Variants in RAP2B observed in about 807,000 individuals in gnomAD.
The protein encoded by RAP2B is RAP2B, member of RAS oncogene family.
In RAP2B, 6 loss-of-function variants were observed where a neutral mutation model predicts 14.4. The ratio of observed to expected loss-of-function variants is 0.42; its 90% confidence interval spans 0.23 to 0.82. The LOEUF (loss-of-function observed/expected upper bound fraction) is 0.82, where lower values mean the gene tolerates loss of function less well. RAP2B is among the 40% of genes least tolerant of loss of function. The pLI, the probability that RAP2B is intolerant of heterozygous loss-of-function variation, is 0.30. For synonymous variants in RAP2B, 118 were observed against 113.2 expected, an observed-to-expected ratio of 1.04 and a Z score of -0.27; for missense variants, 137 against 248.2, an observed-to-expected ratio of 0.55 and a Z score of 3.01.
At position 153,168,276 on chromosome 3, in the gene RAP2B, C is replaced by T. The variant is rs937424071; in HGVS notation, c.*5031C>T. 1 of 166,946 alleles carries T rather than the reference C, an allele frequency of 6.0e-6. No homozygotes were observed. Among genetic ancestry groups the T allele is most frequent in the Non-Finnish European group, 1.5e-5 (1 of 68,102 alleles). The allele number at this position is 166,946 out of a possible 1,614,324, so 10.3% of individuals were successfully genotyped here. A position where few individuals can be genotyped will look rare whatever the true frequency, so the allele number is the denominator to read the frequency against. ...AGTGGATTGCTTACTTCAAATTTCTCTTTTACAATTTAGAAAGTTTAGTAC... is the reference window on the plus strand; with the variant it reads ...AGTGGATTGCTTACTTCAAATTTCTTTTTTACAATTTAGAAAGTTTAGTAC... On this transcript the variant is annotated 3_prime_UTR_variant, in exon 1 of 1. Coordinates refer to ENST00000323534, the MANE Select transcript of RAP2B (RefSeq NM_002886.4).
Position 153,162,517 on chromosome 3 carries a change from C to G in RAP2B, c.-177C>G. The G allele has an allele frequency of 1.5e-6, 1 of 686,862 alleles. No homozygotes were observed. The allele number at this position is 686,862 out of a possible 1,614,324, so 42.5% of individuals were successfully genotyped here. The stretch of plus-strand genomic sequence containing the variant: ...ATACGCTGCCGCCGCCGCCGGCCGG[C>G]CCGGCGCCCGGCCTCCGTTCGGTGG... On this transcript the variant is annotated 5_prime_UTR_variant, in exon 1 of 1. Coordinates refer to ENST00000323534, the MANE Select transcript of RAP2B (RefSeq NM_002886.4). The surrounding 1 kb of genome is among the most constrained non-coding windows in gnomAD (Gnocchi z 4.9).
chr3:153,163,336 A>C lies in RAP2B; in HGVS notation c.*91A>C, dbSNP rs1713464771. ...GATTTATTTCTTGCTTTGAGATTGGAGACCACTTTGCATTGGCCAGGGTGT... is the reference window on the plus strand; with the variant it reads ...GATTTATTTCTTGCTTTGAGATTGGCGACCACTTTGCATTGGCCAGGGTGT... On this transcript the variant is annotated 3_prime_UTR_variant, in exon 1 of 1. Transcript: ENST00000323534. 2 of 1,449,666 alleles carry C rather than the reference A, an allele frequency of 1.4e-6. No homozygotes were observed. The highest frequency in any genetic ancestry group is 3.0e-5 in the South Asian group (2 of 67,618). The allele number at this position is 1,449,666 out of a possible 1,614,324, so 89.8% of individuals were successfully genotyped here. A position where few individuals can be genotyped will look rare whatever the true frequency, so the allele number is the denominator to read the frequency against.
rs752933416 is a variant in RAP2B at position 153,163,073 on chromosome 3, C to T, written c.380C>T (p.Ser127Leu). Residue 127 changes from serine (S) to leucine (L), a missense_variant, in exon 1 of 1, where the codon TCG (serine) becomes TTG (leucine). Physicochemically the swap from Ser to Leu is moderately radical, Grantham distance 145. This residue lies in a region of RAP2B where 106 missense variants were observed against 143.5 expected (regional missense o/e 0.74). Coordinates refer to ENST00000323534, the MANE Select transcript of RAP2B (RefSeq NM_002886.4). ...KVDLEGEREV[S>L]YGEGKALAEE... ...GACCTGGAGGGTGAGCGCGAGGTCTCGTACGGGGAGGGCAAGGCCCTGGCT... is the reference window on the plus strand; with the variant it reads ...GACCTGGAGGGTGAGCGCGAGGTCTTGTACGGGGAGGGCAAGGCCCTGGCT... The T allele has an allele frequency of 3.2e-5, 52 of 1,613,898 alleles. No homozygotes were observed. Among genetic ancestry groups the T allele is most frequent in the Non-Finnish European group, 3.7e-5 (44 of 1,180,046 alleles).
chr3:153,162,870 G>T lies in RAP2B; in HGVS notation c.177G>T (p.Ala59=), dbSNP rs770367435. ...CGGTGCTGGAGATCCTGGATACGGC[G>T]GGCACCGAGCAGTTCGCGTCCATGC... is the stretch of plus-strand genomic sequence containing the variant. ...SPSVLEILDT[A]GTEQFASMRD... Residue 59 remains alanine, a synonymous_variant, in exon 1 of 1, where the codon GCG becomes GCT. Transcript: ENST00000323534. The surrounding 1 kb of genome is among the most constrained non-coding windows in gnomAD (Gnocchi z 4.9). 6.2e-7 allele frequency: 1 copy of T among 1,614,008 alleles called. No individual in the cohort carries two copies. Among genetic ancestry groups the T allele is most frequent in the South Asian group, 1.1e-5 (1 of 91,088 alleles).
At position 153,162,663 on chromosome 3, in the gene RAP2B, C is replaced by T. The variant is rs1337793398; in HGVS notation, c.-31C>T. 4 of 1,564,146 alleles carry T rather than the reference C, an allele frequency of 2.6e-6. No homozygotes were observed. Among genetic ancestry groups the T allele is most frequent in the African/African-American group, 2.7e-5 (2 of 73,794 alleles). On this transcript the variant is annotated 5_prime_UTR_variant, in exon 1 of 1. Transcript: ENST00000323534. The surrounding 1 kb of genome is among the most constrained non-coding windows in gnomAD (Gnocchi z 4.9). The stretch of plus-strand genomic sequence containing the variant: ...CCGGCGCGCAGCCCCGACGGGGCCG[C>T]GGCAGGCGCGGCGAGAGCGCTGACG...
In RAP2B at chr3:153,169,839, T is replaced by G. The variant is rs1459375557; in HGVS notation, c.*6594T>G. 1 of 151,662 alleles carries G rather than the reference T, an allele frequency of 6.6e-6. No homozygotes were observed. Among genetic ancestry groups the G allele is most frequent in the Non-Finnish European group, 1.5e-5 (1 of 67,916 alleles). The allele number at this position is 151,662 out of a possible 1,614,324, so 9.4% of individuals were successfully genotyped here. ...ATTCCTGGGCTCAGGAGATCTTCCC[T>G]CCTCAGCCCCTCAAAGTGCTGGGAT... is the stretch of plus-strand genomic sequence containing the variant. On this transcript the variant is annotated 3_prime_UTR_variant, in exon 1 of 1. Transcript: ENST00000323534.
Position 153,162,498 on chromosome 3 carries a change from TGCCGCCGCC to T in RAP2B, c.-191_-183del, listed in dbSNP as rs1298610421. On this transcript the variant is annotated 5_prime_UTR_variant, in exon 1 of 1. Transcript: ENST00000323534. The surrounding 1 kb of genome is among the most constrained non-coding windows in gnomAD (Gnocchi z 4.9). ...CCGGACCCGCACCCCAGGGATACGC[TGCCGCCGCC>T]GCCGGCCGGCCCGGCGCCCGGCCTC... 1.8e-6 allele frequency: 1 copy of T among 569,756 alleles called. No homozygotes were observed. The highest frequency in any genetic ancestry group is 2.8e-6 in the Non-Finnish European group (1 of 351,386). 35.3% of individuals were successfully genotyped at this position (569,756 alleles called of 1,614,324 possible). A position where few individuals can be genotyped will look rare whatever the true frequency, so the allele number is the denominator to read the frequency against.
rs1576682070 is a variant in RAP2B at position 153,165,716 on chromosome 3, CACTT to C, written c.*2473_*2476del. 6.0e-6 allele frequency: 1 copy of C among 166,578 alleles called. No homozygotes were observed. Among genetic ancestry groups the C allele is most frequent in the Non-Finnish European group, 1.5e-5 (1 of 68,034 alleles). 10.3% of individuals were successfully genotyped at this position (166,578 alleles called of 1,614,324 possible). A position where few individuals can be genotyped will look rare whatever the true frequency, so the allele number is the denominator to read the frequency against. ...CATTTTTTTTTTCCCACTCTGATCT[CACTT>C]AAGTTTGATATCAAACACAATTGGG... On this transcript the variant is annotated 3_prime_UTR_variant, in exon 1 of 1. Coordinates refer to ENST00000323534, the MANE Select transcript of RAP2B (RefSeq NM_002886.4).
chr3:153,170,482 AT>A lies in RAP2B; in HGVS notation c.*7238del, dbSNP rs1238528385. 6.6e-6 allele frequency: 1 copy of A among 152,238 alleles called. No homozygotes were observed. Among genetic ancestry groups the A allele is most frequent in the African/African-American group, 2.4e-5 (1 of 41,466 alleles). The allele number at this position is 152,238 out of a possible 1,614,324, so 9.4% of individuals were successfully genotyped here. On this transcript the variant is annotated 3_prime_UTR_variant, in exon 1 of 1. Coordinates refer to ENST00000323534, the MANE Select transcript of RAP2B (RefSeq NM_002886.4). ...ATAGTGTATATTAAACAATAATAGT[AT>A]ATGGAAAAGCACATCTACATGTGTC...
rs528572077 is a variant in RAP2B at position 153,169,044 on chromosome 3, A to T, written c.*5799A>T. ...TATTTTAAAAGTGTCCTATACTATG[A>T]ATTTATTTGCCATATATAAGACAAT... On this transcript the variant is annotated 3_prime_UTR_variant, in exon 1 of 1. Transcript: ENST00000323534. 8 of 152,338 alleles carry T rather than the reference A, an allele frequency of 5.3e-5. No homozygotes were observed. The highest frequency in any genetic ancestry group is 5.2e-4 in the Admixed American group (8 of 15,302). 9.4% of individuals were successfully genotyped at this position (152,338 alleles called of 1,614,324 possible).
rs1360288525 is a variant in RAP2B at position 153,163,266 on chromosome 3, C to T, written c.*21C>T. ...TCTGAGGCGGCCACCGCGCGCCGGC[C>T]GCGCTCTGCGCACAAAAGCCAAACG... On this transcript the variant is annotated 3_prime_UTR_variant, in exon 1 of 1. Coordinates refer to ENST00000323534, the MANE Select transcript of RAP2B (RefSeq NM_002886.4). The T allele has an allele frequency of 2.7e-6, 4 of 1,506,458 alleles. No individual in the cohort carries two copies. The highest frequency in any genetic ancestry group is 2.4e-5 in the Admixed American group (1 of 41,332). The allele number at this position is 1,506,458 out of a possible 1,614,324, so 93.3% of individuals were successfully genotyped here. A position where few individuals can be genotyped will look rare whatever the true frequency, so the allele number is the denominator to read the frequency against.
chr3:153,164,611 A>AT lies in RAP2B; in HGVS notation c.*1370dup, dbSNP rs1173146943. 2 of 166,958 alleles carry AT rather than the reference A, an allele frequency of 1.2e-5. No homozygotes were observed. 10.3% of individuals were successfully genotyped at this position (166,958 alleles called of 1,614,324 possible). On this transcript the variant is annotated 3_prime_UTR_variant, in exon 1 of 1. Coordinates refer to ENST00000323534, the MANE Select transcript of RAP2B (RefSeq NM_002886.4). ...TGTTCCTCCAGAAGCAAAGAGCAAAATTTTACTGTTGTGATGTACCAATTC... is the reference window on the plus strand; with the variant it reads ...TGTTCCTCCAGAAGCAAAGAGCAAAATTTTTACTGTTGTGATGTACCAATTC...
rs761606129 is a variant in RAP2B at position 153,162,954 on chromosome 3, G to A, written c.261G>A (p.Gln87=). 2.5e-6 allele frequency: 4 copies of A among 1,614,042 alleles called. No individual in the cohort carries two copies. Among genetic ancestry groups the A allele is most frequent in the Non-Finnish European group, 3.4e-6 (4 of 1,180,042 alleles). Residue 87 remains glutamine, a synonymous_variant, in exon 1 of 1, where the codon CAG becomes CAA. Transcript: ENST00000323534. This position sits in a 1 kb window ranked among gnomAD's most constrained non-coding sequence, Gnocchi z 4.9. ...TCCTGGTCTACAGCCTCGTCAACCAGCAGAGCTTCCAGGACATCAAGCCCA... is the reference window on the plus strand; with the variant it reads ...TCCTGGTCTACAGCCTCGTCAACCAACAGAGCTTCCAGGACATCAAGCCCA... ...GFILVYSLVN[Q]QSFQDIKPMR... is the part of the protein sequence containing the mutation.
At position 153,165,523 on chromosome 3, in the gene RAP2B, A is replaced by C. The variant is rs1452937859; in HGVS notation, c.*2278A>C. 1 of 166,268 alleles carries C rather than the reference A, an allele frequency of 6.0e-6. No homozygotes were observed. The highest frequency in any genetic ancestry group is 2.4e-5 in the African/African-American group (1 of 41,470). 10.3% of individuals were successfully genotyped at this position (166,268 alleles called of 1,614,324 possible). ...AGGGATTTACACCCTTGACAAAACCAAAAGAAATTAACAGGCCACAGGTTT... is the reference window on the plus strand; with the variant it reads ...AGGGATTTACACCCTTGACAAAACCCAAAGAAATTAACAGGCCACAGGTTT... On this transcript the variant is annotated 3_prime_UTR_variant, in exon 1 of 1. Coordinates refer to ENST00000323534, the MANE Select transcript of RAP2B (RefSeq NM_002886.4).
At position 153,169,610 on chromosome 3, in the gene RAP2B, TA is replaced by T. The variant is rs1422330968; in HGVS notation, c.*6367del. 6.6e-6 allele frequency: 1 copy of T among 152,286 alleles called. No individual in the cohort carries two copies. Among genetic ancestry groups the T allele is most frequent in the African/African-American group, 2.4e-5 (1 of 41,416 alleles). 9.4% of individuals were successfully genotyped at this position (152,286 alleles called of 1,614,324 possible). A position where few individuals can be genotyped will look rare whatever the true frequency, so the allele number is the denominator to read the frequency against. ...ACAGGCGTGCACCACCACGCCCGCC[TA>T]ATTTTTGTATTTTTAGTAGAGATGG... is the stretch of plus-strand genomic sequence containing the variant. On this transcript the variant is annotated 3_prime_UTR_variant, in exon 1 of 1. Coordinates refer to ENST00000323534, the MANE Select transcript of RAP2B (RefSeq NM_002886.4).
Position 153,168,357 on chromosome 3 carries a change from T to A in RAP2B, c.*5112T>A, listed in dbSNP as rs1480019217. The stretch of plus-strand genomic sequence containing the variant: ...TATTTAGATGCTGAGAATAATATTA[T>A]CATGCTTGGGTGGGGAAGAAAGGCC... On this transcript the variant is annotated 3_prime_UTR_variant, in exon 1 of 1. Coordinates refer to ENST00000323534, the MANE Select transcript of RAP2B (RefSeq NM_002886.4). The A allele has an allele frequency of 1.2e-5, 2 of 167,076 alleles. No individual in the cohort carries two copies. The highest frequency in any genetic ancestry group is 4.8e-5 in the African/African-American group (2 of 41,456). 10.3% of individuals were successfully genotyped at this position (167,076 alleles called of 1,614,324 possible).
rs1269676331 is a variant in RAP2B, at chr3:153,166,577, T to C, written c.*3332T>C. The C allele has an allele frequency of 6.0e-6, 1 of 167,116 alleles. No homozygotes were observed. Among genetic ancestry groups the C allele is most frequent in the African/African-American group, 2.4e-5 (1 of 41,464 alleles). The allele number at this position is 167,116 out of a possible 1,614,324, so 10.4% of individuals were successfully genotyped here. ...TCTCTGACAGTCAATCCAGGTTTTA[T>C]GTTATTTCAAAAGGGTTATTTTTGT... On this transcript the variant is annotated 3_prime_UTR_variant, in exon 1 of 1. Transcript: ENST00000323534.
rs915163767 is a variant in RAP2B, at chr3:153,168,116, C to CG, written c.*4871_*4872insG. The CG allele has an allele frequency of 6.0e-6, 1 of 166,998 alleles. No homozygotes were observed. The highest frequency in any genetic ancestry group is 2.4e-5 in the African/African-American group (1 of 41,446). The allele number at this position is 166,998 out of a possible 1,614,324, so 10.3% of individuals were successfully genotyped here. ...TTCTGGGAAAATGCATACCACAAAACTGTGTATCTTGCAGCTTCTTTCGTT... is the reference window on the plus strand; with the variant it reads ...TTCTGGGAAAATGCATACCACAAAACGTGTGTATCTTGCAGCTTCTTTCGTT... On this transcript the variant is annotated 3_prime_UTR_variant, in exon 1 of 1. Transcript: ENST00000323534.
Position 153,163,148 on chromosome 3 carries a change from C to G in RAP2B, c.455C>G (p.Ser152Trp). The G allele has an allele frequency of 1.2e-6, 2 of 1,612,128 alleles. No homozygotes were observed. The highest frequency in any genetic ancestry group is 1.7e-6 in the Non-Finnish European group (2 of 1,179,546). Residue 152 changes from serine (S) to tryptophan (W), a missense_variant, in exon 1 of 1, where the codon TCG becomes TGG. Coordinates refer to ENST00000323534, the MANE Select transcript of RAP2B (RefSeq NM_002886.4). ...GAGACGTCGGCCAAAAACAAAGCCTCGGTAGACGAGCTATTTGCCGAGATC... is the reference window on the plus strand; with the variant it reads ...GAGACGTCGGCCAAAAACAAAGCCTGGGTAGACGAGCTATTTGCCGAGATC... ...FMETSAKNKA[S>W]VDELFAEIVR...
Sources: allele counts gnomAD v4.1 joint callset, GRCh38; gene constraint gnomAD v4.1.1; regional missense constraint gnomAD v4.1.1; non-coding constraint Gnocchi (gnomAD v3.1); transcripts MANE v1.5; gene names NCBI Gene and HGNC (gene_info 2026-07-23, HGNC 2026-07-21).